Variants in LIMK1 observed in about 807,000 individuals in gnomAD.
LIMK1 encodes the protein LIM domain kinase 1.
In LIMK1, 21 loss-of-function variants were observed where a neutral mutation model predicts 77.6. The observed-to-expected ratio is 0.27, with a 90% CI of 0.19 to 0.39. The LOEUF (loss-of-function observed/expected upper bound fraction) is 0.39, where lower values mean the gene tolerates loss of function less well. Among genes scored for constraint, LIMK1 ranks in the 10% least tolerant of loss-of-function variants. The pLI, the probability that LIMK1 is intolerant of heterozygous loss-of-function variation, is 1.00. For synonymous variants in LIMK1, 358 were observed against 370.0 expected (o/e 0.97, Z 0.37); for missense variants, 696 against 901.6 (o/e 0.77, Z 2.92).
chr7:74,108,937 C>A lies in LIMK1; in HGVS notation c.1185C>A (p.Asn395Lys). 1.2e-6 allele frequency: 2 copies of A among 1,614,020 alleles called. No homozygotes were observed. The highest frequency in any genetic ancestry group is 1.7e-6 in the Non-Finnish European group (2 of 1,179,968). The part of the protein sequence containing the change: ...VKVMRCLEHP[N>K]VLKFIGVLYK... ...TCATGCGATGCCTGGAACACCCCAA[C>A]GTGCTCAAGTTCATCGGGGTGCTCT... Residue 395 changes from asparagine to lysine, a missense_variant, in exon 10 of 16, where the codon AAC becomes AAA. Asn to Lys is a moderately conservative substitution (Grantham distance 94). Around this residue, in one of 3 missense-constraint regions of LIMK1, gnomAD observed 438 missense variants for 602.3 expected, o/e 0.73. Transcript: ENST00000336180.
intron 3 of LIMK1, 98 bp downstream of exon 3, chr7:74,096,858 CT>C: frequency 6.9e-7 from 1 of 1,441,512 alleles, no homozygotes; most frequent in Non-Finnish European, 9.3e-7. Flanking sequence ...TCCTGGTCTC[CT>C]TTTTGCTGGT....
intron 8 of LIMK1, 129 bp from the exon 9 acceptor site, chr7:74,107,742 C>A: frequency 1.5e-6 from 1 of 681,834 alleles, no homozygotes; most frequent in Non-Finnish European, 2.6e-6. Flanking sequence ...TTGGGAACAT[C>A]CCATGCACAG....
At chr7:74,114,776 A>G (rs1007615685) in intron 12 of LIMK1, among the ~76,000 whole-genome samples, 1 of 151,784 alleles carries the variant, frequency 6.6e-6, no homozygotes, top group African/African-American at 2.4e-5. Context: ...TTAGCTGGGC[A>G]TGGTGGCAGG....
Position 74,107,039 on chromosome 7 carries a change from G to T in LIMK1, c.911G>T (p.Gly304Val). Residue 304 changes from glycine (G) to valine (V), a missense_variant, in exon 8 of 16, where the codon GGC (glycine) becomes GTC (valine). By Grantham distance (109) the Gly-to-Val change is moderately radical. This residue lies in a region of LIMK1 where 438 missense variants were observed against 602.3 expected (regional missense o/e 0.73). Transcript: ENST00000336180. ...AGCTGCAGCATCGACAGGTCTCCGG[G>T]CGCTGGCTCACTGGGCTCCCCGGCC... ...LRSCSIDRSPGAGSLGSPASQ... is the reference protein window; with the variant it reads ...LRSCSIDRSPVAGSLGSPASQ... The T allele has an allele frequency of 6.2e-7, 1 of 1,600,740 alleles. No homozygotes were observed.
chr7:74,115,792 A>G lies in LIMK1; in HGVS notation c.1411-10A>G. 1 of 1,613,334 alleles carries G rather than the reference A, an allele frequency of 6.2e-7. No homozygotes were observed. The highest frequency in any genetic ancestry group is 8.5e-7 in the Non-Finnish European group (1 of 1,179,558). On this transcript the variant is annotated splice_polypyrimidine_tract_variant and intron_variant, in intron 12 of 15. Transcript: ENST00000336180. The stretch of plus-strand genomic sequence containing the variant: ...TCGGGTCCCAGCATGACCCGGCTTC[A>G]CCTTCCCAGAACAAGAATGTGGTGG...
intron 5 of LIMK1, among the ~76,000 whole-genome samples, chr7:74,101,324 T>C (rs1035549902): frequency 2.0e-4 from 31 of 152,182 alleles, no homozygotes; most frequent in Admixed American, 1.2e-3. Flanking sequence ...AGCTGGTCCC[T>C]GAAATCCAGG....
chr7:74,112,364 T>C (rs782270572), intron 12 of LIMK1, among the ~76,000 whole-genome samples: 3 of 152,092 alleles, frequency 2.0e-5, no homozygotes, highest in Non-Finnish European at 4.4e-5. Flanking sequence ...AGCACCAGCA[T>C]CTGGGGGCCA....
At chr7:74,106,605 C>T (rs1326700431) in intron 7 of LIMK1, among the ~76,000 whole-genome samples, 5 of 152,052 alleles carry the variant, frequency 3.3e-5, no homozygotes, top group African/African-American at 1.2e-4. Context: ...ACTGAAAATA[C>T]AAAAATTAGC....
At chr7:74,100,630 T>C (rs527712577) in intron 5 of LIMK1, among the ~76,000 whole-genome samples, 1 of 152,210 alleles carries the variant, frequency 6.6e-6, no homozygotes, top group Non-Finnish European at 1.5e-5. Flanking sequence ...TTGGCCAGGC[T>C]CGTTTCAAAC....
intron 13 of LIMK1, among the ~76,000 whole-genome samples, chr7:74,118,865 C>T (rs1799874119): frequency 6.6e-6 from 1 of 152,132 alleles, no homozygotes; most frequent in South Asian, 2.1e-4. Context: ...ACATTTAGTA[C>T]TAATTGTTTC....
chr7:74,100,973 G>C (rs77377916), intron 5 of LIMK1, among the ~76,000 whole-genome samples: 1 of 151,772 alleles, frequency 6.6e-6, no homozygotes, highest in African/African-American at 2.4e-5. Context: ...TCCTGACCTC[G>C]TGATCCGCCC....
At chr7:74,107,353 G>C (rs959981708) in intron 8 of LIMK1, among the ~76,000 whole-genome samples, 160 bp downstream of exon 8, 6 of 152,110 alleles carry the variant, frequency 3.9e-5, no homozygotes, top group Non-Finnish European at 1.5e-5. Flanking sequence ...ATTAGGAACA[G>C]GGGACCTCCT....
intron 13 of LIMK1, among the ~76,000 whole-genome samples, chr7:74,120,353 C>T (rs1799905335): frequency 6.6e-6 from 1 of 152,240 alleles, no homozygotes; most frequent in Non-Finnish European, 1.5e-5. Context: ...CCTCGAACTC[C>T]TTGTCCAGGG....
chr7:74,115,837 G>A lies in LIMK1; in HGVS notation c.1446G>A (p.Ala482=), dbSNP rs782401601. 41 of 1,614,004 alleles carry A rather than the reference G, an allele frequency of 2.5e-5. No homozygotes were observed. The highest frequency in any genetic ancestry group is 8.0e-5 in the African/African-American group (6 of 74,916). The stretch of plus-strand genomic sequence containing the variant: ...TGGTGGTGGCTGACTTCGGGCTGGC[G>A]CGTCTCATGGTGGACGAGAAGACTC... ...KNVVVADFGL[A]RLMVDEKTQP... The change falls in exon 13 of 16, where the codon GCG becomes GCA. Residue 482 remains alanine (A), a synonymous_variant. Transcript: ENST00000336180.
intron 13 of LIMK1, among the ~76,000 whole-genome samples, chr7:74,118,654 G>T (rs1295453844): frequency 1.3e-5 from 2 of 151,562 alleles, no homozygotes; most frequent in African/African-American, 4.8e-5. Context: ...GGAGGCTGAG[G>T]CAGGAGAGTT....
At chr7:74,106,280 T>C in intron 7 of LIMK1, 37 bp downstream of exon 7, 5 of 1,570,382 alleles carry the variant, frequency 3.2e-6, no homozygotes, top group Non-Finnish European at 4.3e-6. Flanking sequence ...CTGGGTGCTT[T>C]CACTCCTGCT....
At position 74,102,484 on chromosome 7, in the gene LIMK1, C is replaced by CTTTTTTTTTTT. The variant is rs71094754; in HGVS notation, c.608+3254_608+3264dup. The stretch of plus-strand genomic sequence containing the variant: ...GATATTCTCAAAAGAAGGACCTTCT[C>CTTTTTTTTTTT]TTTTTTTTTTTTTTTTTTGGAGACA... On this transcript the variant is annotated intron_variant, in intron 5 of 15. Coordinates refer to ENST00000336180, the MANE Select transcript of LIMK1 (RefSeq NM_002314.4). 6.7e-4 allele frequency among the ~76,000 whole-genome samples: 36 copies of CTTTTTTTTTTT among 54,064 alleles called. 5 individuals are homozygous for CTTTTTTTTTTT. Among genetic ancestry groups the CTTTTTTTTTTT allele is most frequent in the South Asian group, 2.8e-3 (3 of 1,054 alleles). 35.5% of individuals were successfully genotyped at this position (54,064 alleles called of 152,430 possible). A position where few individuals can be genotyped will look rare whatever the true frequency, so the allele number is the denominator to read the frequency against.
chr7:74,098,878 G>A (rs1799390001), intron 4 of LIMK1, among the ~76,000 whole-genome samples, 154 bp from the exon 5 acceptor site: 1 of 141,608 alleles, frequency 7.1e-6, no homozygotes, highest in South Asian at 2.2e-4. Flanking sequence ...AGGCTGGGGT[G>A]CAGTGTTGTA....
chr7:74,092,167 T>C (rs1272225930), intron 2 of LIMK1, among the ~76,000 whole-genome samples: 1 of 151,922 alleles, frequency 6.6e-6, no homozygotes, highest in Non-Finnish European at 1.5e-5. Context: ...GGTTTCACCA[T>C]GTTAGCCAGG....
Sources: allele counts gnomAD v4.1 joint callset (sites outside exome capture counted in the v4.1 genomes callset), GRCh38; gene constraint gnomAD v4.1.1; regional missense constraint gnomAD v4.1.1; transcripts MANE v1.5; gene names NCBI Gene and HGNC (gene_info 2026-07-23, HGNC 2026-07-21).